The following HPS4 variants were observed in gnomAD, a reference collection of about 807,000 sequenced individuals.
HPS4 encodes the protein BLOC-3 complex member HPS4.
In HPS4, 44 loss-of-function variants were observed where a neutral mutation model predicts 70.3. The ratio of observed to expected loss-of-function variants is 0.63; its 90% CI spans 0.49 to 0.80. HPS4 has a LOEUF of 0.80. HPS4 is among the 30% of genes least tolerant of loss of function. The pLI is 0.00. For synonymous variants in HPS4, 377 were observed against 355.9 expected (o/e 1.06, Z -0.67); for missense variants, 873 against 884.4 (o/e 0.99, Z 0.16).
intron 8 of HPS4, 168 bp downstream of exon 8, chr22:26,468,383 A>T (rs1225621904): frequency 1.5e-6 from 1 of 673,556 alleles, no homozygotes; most frequent in Non-Finnish European, 2.7e-6. Flanking sequence ...TTTCAGCCTC[A>T]CCAATGGCTT....
intron 11 of HPS4, among the ~76,000 whole-genome samples, chr22:26,462,309 GA>G (rs917268069): frequency 6.6e-6 from 1 of 152,186 alleles, no homozygotes; most frequent in Non-Finnish European, 1.5e-5. Flanking sequence ...ACGAGCCACA[GA>G]AGGCAGGACA....
In HPS4 at chr22:26,472,860, T is replaced by C. The variant is rs750265224; in HGVS notation, c.356A>G (p.Tyr119Cys). Residue 119 changes from tyrosine (Y) to cysteine (C), a missense_variant, in exon 5 of 14, where the codon TAC (tyrosine) becomes TGC (cysteine). Transcript: ENST00000398145. Reference protein sequence around the residue: ...LDQLVGFFNFYNGPVSLAYEN... With the variant: ...LDQLVGFFNFCNGPVSLAYEN... ...ATAAGCTAGGGAAACAGGTCCATTGTAAAAATTAAAGAATCCAACTAGCTG... is the reference window on the plus strand; with the variant it reads ...ATAAGCTAGGGAAACAGGTCCATTGCAAAAATTAAAGAATCCAACTAGCTG... The C allele has an allele frequency of 1.7e-5, 27 of 1,614,150 alleles. No individual in the cohort carries two copies. The highest frequency in any genetic ancestry group is 1.9e-5 in the Non-Finnish European group (22 of 1,179,990).
At position 26,453,130 on chromosome 22, in the gene HPS4, G is replaced by C; in HGVS notation, c.*103C>G. ...CAAATATCATTTGGTTCCTAAAAAAGGGAATGTTTTCAAGAAAAATAAAAT... is the reference window on the plus strand; with the variant it reads ...CAAATATCATTTGGTTCCTAAAAAACGGAATGTTTTCAAGAAAAATAAAAT... On this transcript the variant is annotated 3_prime_UTR_variant, in exon 14 of 14. Coordinates refer to ENST00000398145, the MANE Select transcript of HPS4 (RefSeq NM_022081.6). 8.3e-7 allele frequency: 1 copy of C among 1,210,486 alleles called. No individual in the cohort carries two copies. Among genetic ancestry groups the C allele is most frequent in the Non-Finnish European group, 1.2e-6 (1 of 840,658 alleles). 75.0% of individuals were successfully genotyped at this position (1,210,486 alleles called of 1,614,324 possible). A position where few individuals can be genotyped will look rare whatever the true frequency, so the allele number is the denominator to read the frequency against.
rs77597168 is a variant in HPS4, at chr22:26,465,548, G to A, written c.710C>T (p.Ala237Val). 9.5e-4 allele frequency: 1,526 copies of A among 1,612,910 alleles called. 12 individuals carry two copies. The African/African-American group carries it at 0.017, about 18-fold the overall frequency. The change falls in exon 10 of 14, where the codon GCG (alanine) becomes GTG (valine). Residue 237 changes from alanine (A) to valine (V), a missense_variant. Transcript: ENST00000398145. ...TGEDAPQEHG[A>V]ALPPNVQIIP... ...AATCTGGACATTCGGGGGCAATGCC[G>A]CTCCTGGAATTGCAAAGCAATATGA...
rs183407280 is a variant in HPS4, at chr22:26,470,934, G to A, written c.502-121C>T. 3.8e-4 allele frequency: 581 copies of A among 1,549,074 alleles called. 1 individual carries two copies. The African/African-American group carries it at 4.8e-3, about 13-fold the overall frequency. On this transcript the variant is annotated intron_variant, in intron 6 of 13. Coordinates refer to ENST00000398145, the MANE Select transcript of HPS4 (RefSeq NM_022081.6). ...GTGTAGCTCAAAGCCTGGAAAAGGA[G>A]AATGTGTCACACAGTGAAAGCTGTG...
chr22:26,466,158 C>A, intron 9 of HPS4, 68 bp downstream of exon 9: 3 of 1,611,754 alleles, frequency 1.9e-6, no homozygotes, highest in Non-Finnish European at 8.5e-7. Context: ...CTTCGCATAA[C>A]TTGTACAGGG....
downstream of HPS4, among the ~76,000 whole-genome samples, chr22:26,446,745 T>C (rs1289867110): frequency 1.3e-5 from 2 of 152,182 alleles, no homozygotes; most frequent in Admixed American, 1.3e-4. Context: ...TATCTGTTTT[T>C]GTTTTTTTGA....
At chr22:26,458,316 G>C (rs1302145279) in intron 12 of HPS4, 129 bp downstream of exon 12, 6 of 1,157,248 alleles carry the variant, frequency 5.2e-6, no homozygotes, top group Non-Finnish European at 7.7e-6. Context: ...GGTGAGAAGA[G>C]AGCCCTGAAC....
chr22:26,459,076 A>G (rs2086758643), intron 11 of HPS4, among the ~76,000 whole-genome samples: 1 of 152,240 alleles, frequency 6.6e-6, no homozygotes. Context: ...CCCAGGCTGC[A>G]TGATTTCACA....
At chr22:26,483,549 TG>T (rs1484524238) in intron 1 of HPS4, 124 bp downstream of exon 1, 1 of 179,906 alleles carries the variant, frequency 5.6e-6, no homozygotes, top group East Asian at 1.4e-4. Flanking sequence ...GTGCGGTGTC[TG>T]GCCCCAGCTC....
upstream of HPS4, chr22:26,483,788 T>C (rs532089191): frequency 3.4e-6 from 3 of 873,806 alleles, no homozygotes; most frequent in South Asian, 6.2e-5. Flanking sequence ...AGAGAGGCCT[T>C]AGGTCACGCG....
chr22:26,453,946 G>A, intron 13 of HPS4: 1 of 169,768 alleles, frequency 5.9e-6, no homozygotes, highest in South Asian at 1.4e-4. Context: ...GGACAGGAGT[G>A]GGATGTGACA....
At chr22:26,468,438 G>T in intron 8 of HPS4, 113 bp downstream of exon 8, 1 of 905,766 alleles carries the variant, frequency 1.1e-6, no homozygotes, top group Non-Finnish European at 1.8e-6. Flanking sequence ...GTCCTGACAA[G>T]ACCAAGTGAA....
downstream of HPS4, among the ~76,000 whole-genome samples, chr22:26,450,264 G>GT (rs1355653687): frequency 6.6e-6 from 1 of 152,220 alleles, no homozygotes; most frequent in Admixed American, 6.5e-5. Flanking sequence ...GAAGTGGCCT[G>GT]TGGCAGGGAG....
intron 11 of HPS4, among the ~76,000 whole-genome samples, chr22:26,461,561 C>T (rs2087276775): frequency 6.6e-6 from 1 of 152,124 alleles, no homozygotes; most frequent in African/African-American, 2.4e-5. Context: ...GACAAGACAG[C>T]CAAATGACAC....
In HPS4 at chr22:26,466,429, C is replaced by G. The variant is rs530634828; in HGVS notation, c.670-167G>C. 4.2e-5 allele frequency: 32 copies of G among 763,508 alleles called. No individual in the cohort carries two copies. In the Middle Eastern group the frequency reaches 1.8e-3, roughly 42 times the overall value. 47.3% of individuals were successfully genotyped at this position (763,508 alleles called of 1,614,324 possible). A position where few individuals can be genotyped will look rare whatever the true frequency, so the allele number is the denominator to read the frequency against. ...CAGATGGAACAGAAGCTCCCCCAAGCTGCTGGCTCCCACTATGGCTGGGAT... is the reference window on the plus strand; with the variant it reads ...CAGATGGAACAGAAGCTCCCCCAAGGTGCTGGCTCCCACTATGGCTGGGAT... On this transcript the variant is annotated intron_variant, in intron 8 of 13. Transcript: ENST00000398145.
At chr22:26,476,040 C>T (rs1225783683) in intron 4 of HPS4, 1 of 151,788 alleles carries the variant, frequency 6.6e-6, no homozygotes, top group Non-Finnish European at 1.5e-5. Context: ...GAGACCCTGT[C>T]TCAATAAAAT....
intron 8 of HPS4, chr22:26,467,890 CTTATT>C (rs1298515671): frequency 2.6e-5 from 4 of 151,830 alleles, no homozygotes; most frequent in Admixed American, 1.3e-4. Flanking sequence ...GTTTGTTTTC[CTTATT>C]TTTTTATTTT....
chr22:26,449,323 ATTT>A (rs35895945), downstream of HPS4, among the ~76,000 whole-genome samples: 39 of 83,320 alleles, frequency 4.7e-4, no homozygotes, highest in African/African-American at 1.6e-3. Flanking sequence ...ACTCCCCTGC[ATTT>A]TTTTTTTTTT....
Sources: allele counts gnomAD v4.1 joint callset (sites outside exome capture counted in the v4.1 genomes callset), GRCh38; gene constraint gnomAD v4.1.1; transcripts MANE v1.5; gene names NCBI Gene and HGNC (gene_info 2026-07-23, HGNC 2026-07-21).